Variants in ADAMTS2 observed in about 807,000 individuals in gnomAD.
ADAMTS2 encodes the protein ADAM metallopeptidase with thrombospondin type 1 motif 2, also known as A disintegrin and metalloproteinase with thrombospondin motifs 2.
A neutral mutation model predicts 123.0 loss-of-function variants in ADAMTS2; 50 were observed. The ratio of observed to expected loss-of-function variants is 0.41; its 90% CI spans 0.32 to 0.51. ADAMTS2 has a LOEUF of 0.51. Among genes scored for constraint, ADAMTS2 ranks in the 20% least tolerant of loss-of-function variants. The probability of loss-of-function intolerance (pLI) is 0.35; values close to 1 mark genes in which losing one functional copy is unlikely to be tolerated. For missense variants in ADAMTS2, 1,494 were observed against 1,705.2 expected, an observed-to-expected ratio of 0.88 and a Z score of 2.18; for synonymous variants, 678 against 695.4, an observed-to-expected ratio of 0.98 and a Z score of 0.39.
chr5:179,211,265 G>A (rs568287009), intron 3 of ADAMTS2, among the ~76,000 whole-genome samples: 3 of 152,354 alleles, frequency 2.0e-5, no homozygotes, highest in South Asian at 4.1e-4. Context: ...GCCTGGATGA[G>A]TGATCAGCGC....
At chr5:179,174,537 TG>T (rs1471835184) in intron 5 of ADAMTS2, among the ~76,000 whole-genome samples, 5 of 152,250 alleles carry the variant, frequency 3.3e-5, no homozygotes, top group Admixed American at 6.5e-5. Flanking sequence ...ATTTGTCACA[TG>T]ATAATTTAAT....
chr5:179,263,975 G>T (rs968612969), intron 3 of ADAMTS2, among the ~76,000 whole-genome samples: 1 of 151,914 alleles, frequency 6.6e-6, no homozygotes, highest in East Asian at 1.9e-4. Context: ...AACCTGCAGA[G>T]AATTCTGAGA....
chr5:179,122,354 C>T (rs1762778563), intron 20 of ADAMTS2, among the ~76,000 whole-genome samples: 1 of 152,222 alleles, frequency 6.6e-6, no homozygotes, highest in Non-Finnish European at 1.5e-5. Flanking sequence ...ACACAGGCAC[C>T]CCCTACACCA....
chr5:179,163,582 C>G (rs1763640194), intron 5 of ADAMTS2, among the ~76,000 whole-genome samples: 1 of 152,196 alleles, frequency 6.6e-6, no homozygotes, highest in Non-Finnish European at 1.5e-5. Context: ...AATAAGAGCC[C>G]TGCAGTGGGC....
intron 4 of ADAMTS2, among the ~76,000 whole-genome samples, chr5:179,192,344 T>G (rs1443271574): frequency 6.6e-6 from 1 of 152,222 alleles, no homozygotes; most frequent in Non-Finnish European, 1.5e-5. Flanking sequence ...AGCGCAGTCA[T>G]GCAGGGTGCT....
chr5:179,113,653 A>G lies in ADAMTS2; in HGVS notation c.*214T>C, dbSNP rs915041906. 3 of 597,468 alleles carry G rather than the reference A, an allele frequency of 5.0e-6. No individual in the cohort carries two copies. The highest frequency in any genetic ancestry group is 8.9e-6 in the Non-Finnish European group (3 of 337,906). 37.0% of individuals were successfully genotyped at this position (597,468 alleles called of 1,614,324 possible). A position where few individuals can be genotyped will look rare whatever the true frequency, so the allele number is the denominator to read the frequency against. ...TCCACTGCACACCTGACGCCACCAC[A>G]GTATTTGGTCGCTCCTGGGCTGGGA... is the stretch of plus-strand genomic sequence containing the variant. On this transcript the variant is annotated 3_prime_UTR_variant, in exon 22 of 22. Coordinates refer to ENST00000251582, the MANE Select transcript of ADAMTS2 (RefSeq NM_014244.5).
At chr5:179,215,179 T>G (rs1386519361) in intron 3 of ADAMTS2, among the ~76,000 whole-genome samples, 1 of 152,260 alleles carries the variant, frequency 6.6e-6, no homozygotes, top group Non-Finnish European at 1.5e-5. Flanking sequence ...CTGGGTGCAG[T>G]GGCTCACGCC....
chr5:179,226,414 C>T (rs1411779038), intron 3 of ADAMTS2, among the ~76,000 whole-genome samples: 2 of 149,434 alleles, frequency 1.3e-5, no homozygotes, highest in Non-Finnish European at 3.0e-5. Context: ...TTACAGGTGC[C>T]TGCTATCATA....
At chr5:179,313,218 A>ACT (rs1756879661) in intron 2 of ADAMTS2, among the ~76,000 whole-genome samples, 1 of 128,948 alleles carries the variant, frequency 7.8e-6, no homozygotes. Context: ...ATGCACACAC[A>ACT]CACACCGAGA....
At chr5:179,176,465 C>T (rs983674863) in intron 5 of ADAMTS2, among the ~76,000 whole-genome samples, 9 of 152,186 alleles carry the variant, frequency 5.9e-5, no homozygotes, top group African/African-American at 1.9e-4. Context: ...CTGACCTCTT[C>T]AGCTTCCCTC....
rs1176784424 is a variant in ADAMTS2, at chr5:179,158,155, C to T, written c.1132+568G>A. On this transcript the variant is annotated intron_variant, in intron 6 of 21. Coordinates refer to ENST00000251582, the MANE Select transcript of ADAMTS2 (RefSeq NM_014244.5). The surrounding 1 kb of genome is among the most constrained non-coding windows in gnomAD (Gnocchi z 5.0). ...AATTTTTTTGTATTTTTATTAGAGA[C>T]GGGGTTTCACCATGTTAGCCAAGAT... is the stretch of plus-strand genomic sequence containing the variant. Among the ~76,000 whole-genome samples the T allele has an allele frequency of 3.3e-5, 5 of 152,128 alleles. No individual in the cohort carries two copies. Among genetic ancestry groups the T allele is most frequent in the East Asian group, 1.9e-4 (1 of 5,164 alleles).
At chr5:179,327,003 A>G (rs1757336566) in intron 2 of ADAMTS2, among the ~76,000 whole-genome samples, 1 of 152,162 alleles carries the variant, frequency 6.6e-6, no homozygotes, top group Non-Finnish European at 1.5e-5. Context: ...CAGGGTAATG[A>G]TAGGGAGCAG....
intron 3 of ADAMTS2, among the ~76,000 whole-genome samples, chr5:179,238,978 T>C (rs1263890707): frequency 6.8e-6 from 1 of 146,418 alleles, no homozygotes; most frequent in East Asian, 2.0e-4. Context: ...TGGAAGGTGG[T>C]GGGGGAGGAA....
chr5:179,315,273 T>TCTGGAAAGCACTGAGGCCACAGTTGGCTC (rs1756958301), intron 2 of ADAMTS2, among the ~76,000 whole-genome samples: 1 of 152,200 alleles, frequency 6.6e-6, no homozygotes, highest in Non-Finnish European at 1.5e-5. Flanking sequence ...ACAGTTGGCT[T>TCTGGAAAGCACTGAGGCCACAGTTGGCTC]CTGGAAAGCA....
intron 3 of ADAMTS2, among the ~76,000 whole-genome samples, chr5:179,237,931 T>C (rs578218337): frequency 3.6e-4 from 55 of 152,306 alleles, no homozygotes; most frequent in African/African-American, 1.2e-3. Context: ...CACGCCGCAG[T>C]GTAGCTGTGG....
At chr5:179,199,366 G>A (rs377411685) in intron 4 of ADAMTS2, among the ~76,000 whole-genome samples, 25 of 152,226 alleles carry the variant, frequency 1.6e-4, no homozygotes, top group South Asian at 1.0e-3. Context: ...TGGCCATCCC[G>A]CCCACGGCTG....
chr5:179,152,234 T>G lies in ADAMTS2; in HGVS notation c.1537A>C (p.Lys513Gln), dbSNP rs777458542. 1.9e-6 allele frequency: 3 copies of G among 1,614,032 alleles called. No individual in the cohort carries two copies. In the Admixed American group the frequency reaches 5.0e-5, roughly 27 times the overall value. The change falls in exon 10 of 22, where the codon AAG (lysine) becomes CAG (glutamine). Residue 513 changes from lysine (K) to glutamine (Q), a missense_variant. Around this residue, in one of 6 missense-constraint regions of ADAMTS2, gnomAD observed 953 missense variants for 1,124.7 expected, o/e 0.85. Coordinates refer to ENST00000251582, the MANE Select transcript of ADAMTS2 (RefSeq NM_014244.5). The part of the protein sequence containing the change: ...CTAFRTFDPC[K>Q]QLWCSHPDNP... ...TCAGGATGGCTGCACCACAGCTGCTTGCAGGGGTCAAAGGTCCGGAACTGG... is the reference window on the plus strand; with the variant it reads ...TCAGGATGGCTGCACCACAGCTGCTGGCAGGGGTCAAAGGTCCGGAACTGG...
chr5:179,314,089 C>A lies in ADAMTS2; in HGVS notation c.534+29678G>T, dbSNP rs1447728734. Among the ~76,000 whole-genome samples the A allele has an allele frequency of 1.3e-5, 2 of 152,240 alleles. No individual in the cohort carries two copies. Among genetic ancestry groups the A allele is most frequent in the African/African-American group, 4.8e-5 (2 of 41,478 alleles). On this transcript the variant is annotated intron_variant, in intron 2 of 21. Transcript: ENST00000251582. The surrounding 1 kb of genome is among the most constrained non-coding windows in gnomAD (Gnocchi z 4.5). ...GGGGGTTCCTCACACACCCCACACC[C>A]CTGCCTATGCCCAGACCTCCAGCTT... is the stretch of plus-strand genomic sequence containing the variant.
chr5:179,252,904 C>T lies in ADAMTS2; in HGVS notation c.688+20007G>A, dbSNP rs74792042. Among the ~76,000 whole-genome samples, 862 of 152,306 alleles carry T rather than the reference C, an allele frequency of 5.7e-3. 11 individuals carry two copies. The highest frequency in any genetic ancestry group is 0.02 in the African/African-American group (825 of 41,546). ...CAATTTCTCTATTTCTAACAAAGTT[C>T]ACGTCAAATATGTTGAGGTTATTTT... On this transcript the variant is annotated intron_variant, in intron 3 of 21. Coordinates refer to ENST00000251582, the MANE Select transcript of ADAMTS2 (RefSeq NM_014244.5).
Sources: gnomAD v4.1 joint callset for allele counts (sites outside exome capture counted in the v4.1 genomes callset) on GRCh38, gnomAD v4.1.1 for gene constraint, gnomAD v4.1.1 regional missense constraint, Gnocchi (gnomAD v3.1) non-coding constraint, MANE v1.5 for transcripts, NCBI Gene and HGNC (gene_info 2026-07-23, HGNC 2026-07-21) for gene names.